URB1: variants seen among roughly 807,000 people sequenced by gnomAD.
URB1 encodes the protein nucleolar pre-ribosomal-associated protein 1.
A neutral mutation model predicts 242.3 loss-of-function variants in URB1; 197 were observed. The observed-to-expected ratio is 0.81, with a 90% CI of 0.72 to 0.91. The LOEUF is 0.91. URB1 is among the 40% of genes least tolerant of loss of function. The pLI, the probability that URB1 is intolerant of heterozygous loss-of-function variation, is 0.00. For missense variants in URB1, 2,721 were observed against 2,860.5 expected (o/e 0.95, Z 1.11); for synonymous variants, 1,153 against 1,201.8 (o/e 0.96, Z 0.84).
chr21:32,372,483 G>C, intron 8 of URB1, 24 bp downstream of exon 8: 8 of 1,548,296 alleles, frequency 5.2e-6, no homozygotes, highest in Non-Finnish European at 7.0e-6. Context: ...ACACCCTGGG[G>C]TCCACAAGAG....
intron 25 of URB1, 86 bp downstream of exon 25, chr21:32,341,380 T>C (rs1161434679): frequency 1.5e-6 from 2 of 1,346,666 alleles, no homozygotes; most frequent in Non-Finnish European, 2.1e-6. Context: ...TGGATTATGC[T>C]AATAACAAGC....
At chr21:32,321,596 CTG>C (rs1411189535) in intron 34 of URB1, among the ~76,000 whole-genome samples, 1 of 152,194 alleles carries the variant, frequency 6.6e-6, no homozygotes, top group Non-Finnish European at 1.5e-5. Context: ...GGTCACAACA[CTG>C]CAGCCTCAAG....
intron 15 of URB1, among the ~76,000 whole-genome samples, chr21:32,357,003 C>G (rs1463906306): frequency 6.6e-6 from 1 of 152,212 alleles, no homozygotes; most frequent in Non-Finnish European, 1.5e-5. Flanking sequence ...CCTCTGTACC[C>G]TAAACATAGT....
chr21:32,379,391 T>A (rs2033496350), intron 4 of URB1, among the ~76,000 whole-genome samples: 1 of 152,216 alleles, frequency 6.6e-6, no homozygotes, highest in Non-Finnish European at 1.5e-5. Flanking sequence ...ACTCCAAAGA[T>A]ACCTTCATTC....
intron 4 of URB1, among the ~76,000 whole-genome samples, chr21:32,381,447 G>A (rs1428531724): frequency 6.8e-6 from 1 of 147,192 alleles, no homozygotes; most frequent in East Asian, 2.0e-4. Context: ...AAAAATCCCT[G>A]CCAGCACTTC....
rs2033149604 is a variant in URB1 at position 32,350,888 on chromosome 21, G to C, written c.2648C>G (p.Ala883Gly). Residue 883 changes from alanine to glycine, a missense_variant, in exon 20 of 39, where the codon GCC (alanine) becomes GGC (glycine). Transcript: ENST00000382751. ...TGTGAAGGACGAGGCCAAGGGAAGGGCAGGGGGCGAGGGGCTGCCCTGTGC... is the reference window on the plus strand; with the variant it reads ...TGTGAAGGACGAGGCCAAGGGAAGGCCAGGGGGCGAGGGGCTGCCCTGTGC... ...LQAQGSPSPP[A>G]LPLASSFTAL... The C allele has an allele frequency of 6.5e-7, 1 of 1,549,418 alleles. No homozygotes were observed. Among genetic ancestry groups the C allele is most frequent in the Admixed American group, 2.0e-5 (1 of 50,984 alleles).
chr21:32,346,909 C>A (rs975061314), intron 22 of URB1, 47 bp downstream of exon 22: 2 of 1,460,144 alleles, frequency 1.4e-6, no homozygotes, highest in African/African-American at 2.8e-5. Context: ...CCTTCTTAGC[C>A]CGTGCAACTT....
chr21:32,385,514 T>C, intron 2 of URB1, 31 bp downstream of exon 2: 1 of 1,538,414 alleles, frequency 6.5e-7, no homozygotes, highest in African/African-American at 1.4e-5. Flanking sequence ...ACTTTTCTTC[T>C]CTTCATCAAG....
intron 1 of URB1, among the ~76,000 whole-genome samples, chr21:32,389,258 G>A (rs2033614315): frequency 6.6e-6 from 1 of 152,166 alleles, no homozygotes; most frequent in Admixed American, 6.5e-5. Context: ...GAGTGGGGAG[G>A]GGTGACTGAG....
intron 7 of URB1, among the ~76,000 whole-genome samples, chr21:32,373,214 T>C (rs1415014054): frequency 2.6e-5 from 4 of 152,198 alleles, no homozygotes; most frequent in African/African-American, 9.6e-5. Flanking sequence ...GTGAGGCTCC[T>C]AGACATTCAG....
At chr21:32,369,960 A>G (rs2033388466) in intron 8 of URB1, among the ~76,000 whole-genome samples, 2 of 140,378 alleles carry the variant, frequency 1.4e-5, no homozygotes, top group African/African-American at 5.3e-5. Flanking sequence ...TGAACAACAG[A>G]GCGAGTCTCC....
chr21:32,355,602 A>G (rs2033211115), intron 15 of URB1, 37 bp from the exon 16 acceptor site: 1 of 1,493,214 alleles, frequency 6.7e-7, no homozygotes, highest in Non-Finnish European at 9.1e-7. Flanking sequence ...AAGTCAGAAC[A>G]GAACGCGCTT....
At chr21:32,378,896 C>T (rs1310825813) in intron 4 of URB1, among the ~76,000 whole-genome samples, 3 of 152,122 alleles carry the variant, frequency 2.0e-5, no homozygotes, top group African/African-American at 7.2e-5. Context: ...CTGCCTAGAT[C>T]CATCTCCTCT....
At chr21:32,330,408 A>C (rs1476285827) in intron 30 of URB1, among the ~76,000 whole-genome samples, 1 of 151,956 alleles carries the variant, frequency 6.6e-6, no homozygotes, top group East Asian at 1.9e-4. Context: ...AAGGTAAGGA[A>C]ACTGGTACCT....
At chr21:32,318,944 G>A (rs1223439857) in intron 36 of URB1, among the ~76,000 whole-genome samples, 1 of 152,142 alleles carries the variant, frequency 6.6e-6, no homozygotes, top group African/African-American at 2.4e-5. Context: ...GACCTCGTAC[G>A]ATGCACATTA....
intron 1 of URB1, among the ~76,000 whole-genome samples, chr21:32,386,886 G>A (rs193056081): frequency 3.3e-4 from 50 of 152,182 alleles, no homozygotes; most frequent in East Asian, 2.1e-3. Flanking sequence ...CCAGGCAGTC[G>A]GGCTCCAGAG....
chr21:32,379,578 T>C (rs1171385282), intron 4 of URB1, among the ~76,000 whole-genome samples: 1 of 152,200 alleles, frequency 6.6e-6, no homozygotes, highest in African/African-American at 2.4e-5. Flanking sequence ...TACAGAGCAC[T>C]TACTATGTGC....
chr21:32,317,182 C>A, intron 37 of URB1, 117 bp from the exon 38 acceptor site: 1 of 1,376,830 alleles, frequency 7.3e-7, no homozygotes, highest in South Asian at 1.5e-5. Flanking sequence ...CCTGAGCACC[C>A]GGCCCTGCTC....
In URB1 at chr21:32,337,407, G is replaced by C; in HGVS notation, c.4618C>G (p.Leu1540Val). 6 of 1,549,300 alleles carry C rather than the reference G, an allele frequency of 3.9e-6. No homozygotes were observed. Among genetic ancestry groups the C allele is most frequent in the East Asian group, 2.4e-5 (1 of 40,884 alleles). Residue 1540 changes from leucine to valine, a missense_variant, in exon 27 of 39, where the codon CTA (leucine) becomes GTA (valine). Transcript: ENST00000382751. ...TACCCAGCCCTCACACCCTCACCTA[G>C]GACGCTGAGAGTGGCGCCATAGGCC... ...LGAYGATLSV[L>V]DQKILLLLRA...
Sources: allele counts gnomAD v4.1 joint callset (sites outside exome capture counted in the v4.1 genomes callset), GRCh38; gene constraint gnomAD v4.1.1; transcripts MANE v1.5; gene names NCBI Gene and HGNC (gene_info 2026-07-23, HGNC 2026-07-21).